Variants in ACADSB observed in about 807,000 individuals in gnomAD.
ACADSB encodes the protein acyl-CoA dehydrogenase short/branched chain.
In ACADSB, 40 loss-of-function variants were observed where a neutral mutation model predicts 54.1. The observed-to-expected ratio is 0.74, with a 90% CI of 0.57 to 0.96. The LOEUF (loss-of-function observed/expected upper bound fraction) is 0.96. Among genes scored for constraint, ACADSB ranks in the 40% least tolerant of loss-of-function variants. The pLI, the probability that ACADSB is intolerant of heterozygous loss-of-function variation, is 0.00. For synonymous variants in ACADSB, 182 were observed against 182.8 expected (o/e 1.00, Z 0.03); for missense variants, 530 against 510.4 (o/e 1.04, Z -0.37).
At chr10:123,025,338 C>T (rs1357797918) in intron 1 of ACADSB, among the ~76,000 whole-genome samples, 4 of 150,516 alleles carry the variant, frequency 2.7e-5, no homozygotes, top group East Asian at 4.0e-4. Flanking sequence ...ATGGTGTGCA[C>T]GTATAGTCCC....
rs1850683407 is a variant in ACADSB, at chr10:123,054,806, T to G, written c.*1041T>G. ...AATAATCAGAAAATATTCAATACAG[T>G]GTTGGATATTCTGTCATGCACTATT... is the stretch of plus-strand genomic sequence containing the variant. On this transcript the variant is annotated 3_prime_UTR_variant, in exon 11 of 11. Transcript: ENST00000358776. 6.6e-6 allele frequency: 1 copy of G among 152,160 alleles called. No homozygotes were observed. The highest frequency in any genetic ancestry group is 6.5e-5 in the Admixed American group (1 of 15,272). 9.4% of individuals were successfully genotyped at this position (152,160 alleles called of 1,614,324 possible).
At chr10:123,012,555 G>A (rs554127429) in intron 1 of ACADSB, among the ~76,000 whole-genome samples, 2 of 152,270 alleles carry the variant, frequency 1.3e-5, no homozygotes, top group Admixed American at 6.5e-5. Flanking sequence ...ATGTTCGGAT[G>A]TGTTCGGAGT....
chr10:123,013,591 C>G (rs1413137088), intron 1 of ACADSB, among the ~76,000 whole-genome samples: 1 of 152,238 alleles, frequency 6.6e-6, no homozygotes, highest in Non-Finnish European at 1.5e-5. Context: ...GTGCAGGAGC[C>G]CACTGGCGGT....
chr10:123,052,710 A>C lies in ACADSB; in HGVS notation c.1129-351A>C. ...TCAGGGGCTGGAAGTTGAAGAGCTC[A>C]TTCTCCCCTTGGAGGATTTCGACGT... On this transcript the variant is annotated intron_variant, in intron 9 of 10. Transcript: ENST00000358776. This position sits in a 1 kb window ranked among gnomAD's most constrained non-coding sequence, Gnocchi z 4.2. The C allele has an allele frequency of 3.3e-6, 1 of 301,102 alleles. No individual in the cohort carries two copies. The allele number at this position is 301,102 out of a possible 1,614,324, so 18.7% of individuals were successfully genotyped here. A position where few individuals can be genotyped will look rare whatever the true frequency, so the allele number is the denominator to read the frequency against.
intron 4 of ACADSB, 70 bp downstream of exon 4, chr10:123,040,742 A>G: frequency 4.1e-6 from 6 of 1,462,150 alleles, no homozygotes; most frequent in Non-Finnish European, 4.8e-6. Flanking sequence ...TCAGGAAAAA[A>G]GTAGCTGCAA....
chr10:123,046,225 A>G (rs763329299), intron 7 of ACADSB, among the ~76,000 whole-genome samples: 6 of 152,222 alleles, frequency 3.9e-5, no homozygotes, highest in Non-Finnish European at 8.8e-5. Context: ...TGTTCTCTAG[A>G]GAGTTCAGAA....
intron 1 of ACADSB, among the ~76,000 whole-genome samples, chr10:123,010,774 A>G (rs1850021725): frequency 6.6e-6 from 1 of 152,232 alleles, no homozygotes; most frequent in Admixed American, 6.5e-5. Context: ...GCTATGCCAG[A>G]TGTAATAATG....
At chr10:123,036,868 T>A (rs913618090) in intron 2 of ACADSB, among the ~76,000 whole-genome samples, 5 of 152,208 alleles carry the variant, frequency 3.3e-5, no homozygotes, top group Non-Finnish European at 7.3e-5. Context: ...GAGAGTCGCG[T>A]GTGCAGAAAC....
intron 6 of ACADSB, among the ~76,000 whole-genome samples, chr10:123,044,105 G>A (rs1472320621): frequency 6.6e-6 from 1 of 152,120 alleles, no homozygotes; most frequent in African/African-American, 2.4e-5. Flanking sequence ...GGGGGGAAAA[G>A]TATTAATTTA....
chr10:123,033,516 C>T (rs1589738139), intron 1 of ACADSB, among the ~76,000 whole-genome samples: 5 of 152,302 alleles, frequency 3.3e-5, no homozygotes, highest in Admixed American at 3.3e-4. Flanking sequence ...GGCAGTTTAA[C>T]TAGATCGTTA....
In ACADSB at chr10:123,051,076, G is replaced by C. The variant is rs1850625592; in HGVS notation, c.1018G>C (p.Ala340Pro). ...CCTCCAACACCAAGTGGCTCACGTG[G>C]CCACCCAGCTGGAAGCTGCAAGATT... is the stretch of plus-strand genomic sequence containing the variant. The part of the protein sequence containing the change: ...QGLQHQVAHV[A>P]TQLEAARLLT... The change falls in exon 9 of 11, where the codon GCC becomes CCC. Residue 340 changes from alanine to proline, a missense_variant. Ala to Pro is a conservative substitution (Grantham distance 27). Coordinates refer to ENST00000358776, the MANE Select transcript of ACADSB (RefSeq NM_001609.4). The C allele has an allele frequency of 5.6e-6, 9 of 1,612,216 alleles. No homozygotes were observed. The East Asian group carries it at 2.0e-4, about 36-fold the overall frequency.
chr10:123,053,865 A>G lies in ACADSB; in HGVS notation c.*100A>G. The G allele has an allele frequency of 2.8e-6, 3 of 1,077,910 alleles. No individual in the cohort carries two copies. Among genetic ancestry groups the G allele is most frequent in the African/African-American group, 1.5e-5 (1 of 64,580 alleles). The allele number at this position is 1,077,910 out of a possible 1,614,324, so 66.8% of individuals were successfully genotyped here. A position where few individuals can be genotyped will look rare whatever the true frequency, so the allele number is the denominator to read the frequency against. ...GTGCCTTGCGTGGGAATAAACTTCC[A>G]CAGCATTCGAATATTTTAATGAAGC... On this transcript the variant is annotated 3_prime_UTR_variant, in exon 11 of 11. Coordinates refer to ENST00000358776, the MANE Select transcript of ACADSB (RefSeq NM_001609.4).
chr10:123,037,456 T>G (rs763576980), intron 2 of ACADSB, among the ~76,000 whole-genome samples: 1 of 152,206 alleles, frequency 6.6e-6, no homozygotes, highest in African/African-American at 2.4e-5. Flanking sequence ...TTAGTCACCT[T>G]TGGGTAGAGT....
intron 7 of ACADSB, among the ~76,000 whole-genome samples, chr10:123,045,307 T>A (rs1192178520): frequency 2.1e-5 from 3 of 143,626 alleles, no homozygotes; most frequent in African/African-American, 7.7e-5. Flanking sequence ...GCCTCCCGAG[T>A]AGCTGGGACT....
chr10:123,014,565 A>G (rs1268369810), intron 1 of ACADSB, among the ~76,000 whole-genome samples: 4 of 152,258 alleles, frequency 2.6e-5, no homozygotes, highest in Non-Finnish European at 5.9e-5. Flanking sequence ...TTAGGGTATC[A>G]TTGCCTTACG....
Position 123,047,311 on chromosome 10 carries a change from T to A in ACADSB, c.990+13T>A. The A allele has an allele frequency of 6.5e-7, 1 of 1,531,478 alleles. No homozygotes were observed. The highest frequency in any genetic ancestry group is 9.1e-7 in the Non-Finnish European group (1 of 1,104,732). The allele number at this position is 1,531,478 out of a possible 1,614,324, so 94.9% of individuals were successfully genotyped here. A position where few individuals can be genotyped will look rare whatever the true frequency, so the allele number is the denominator to read the frequency against. On this transcript the variant is annotated intron_variant, in intron 8 of 10. Transcript: ENST00000358776. ...ATTTGATTTTCAGGTATGTAATTAT[T>A]AGGGTCTTTCTGCTGTGTTAGACTT...
rs779716323 is a variant in ACADSB, at chr10:123,040,453, G to T, written c.304-13G>T. Reference sequence around the variant, plus strand: ...TAGCTTTCTTAATCTATGTTGCCTTGTTTTTTCTTTAGTTGATGGGTATTG... The same window carrying T: ...TAGCTTTCTTAATCTATGTTGCCTTTTTTTTTCTTTAGTTGATGGGTATTG... On this transcript the variant is annotated splice_polypyrimidine_tract_variant and intron_variant, in intron 3 of 10. Transcript: ENST00000358776. The T allele has an allele frequency of 6.2e-7, 1 of 1,610,066 alleles. No homozygotes were observed. The highest frequency in any genetic ancestry group is 8.5e-7 in the Non-Finnish European group (1 of 1,176,400).
In ACADSB at chr10:123,041,339, C is replaced by T; in HGVS notation, c.641C>T (p.Ala214Val). 3 of 1,614,206 alleles carry T rather than the reference C, an allele frequency of 1.9e-6. No individual in the cohort carries two copies. Among genetic ancestry groups the T allele is most frequent in the Non-Finnish European group, 1.7e-6 (2 of 1,180,036 alleles). The change falls in exon 5 of 11, where the codon GCA (alanine) becomes GTA (valine). Residue 214 changes from alanine to valine, a missense_variant. Coordinates refer to ENST00000358776, the MANE Select transcript of ACADSB (RefSeq NM_001609.4). ...ATGTGGATCAGCAGTGCTGAGCACG[C>T]AGGGCTCTTTCTGGTGATGGCAAAT... Reference protein sequence around the residue: ...SKMWISSAEHAGLFLVMANVD... With the variant: ...SKMWISSAEHVGLFLVMANVD...
rs1246148242 is a variant in ACADSB, at chr10:123,052,796, T to C, written c.1129-265T>C. 4.4e-6 allele frequency: 2 copies of C among 459,344 alleles called. No homozygotes were observed. Among genetic ancestry groups the C allele is most frequent in the Admixed American group, 6.6e-5 (2 of 30,254 alleles). 28.5% of individuals were successfully genotyped at this position (459,344 alleles called of 1,614,324 possible). On this transcript the variant is annotated intron_variant, in intron 9 of 10. Coordinates refer to ENST00000358776, the MANE Select transcript of ACADSB (RefSeq NM_001609.4). The surrounding 1 kb of genome is among the most constrained non-coding windows in gnomAD (Gnocchi z 4.2). Reference sequence around the variant, plus strand: ...CGTTAGGCCCCCAGTAAACATTTCCTGAATAAATGATATCTCTCAGCATGC... The same window carrying C: ...CGTTAGGCCCCCAGTAAACATTTCCCGAATAAATGATATCTCTCAGCATGC...
Sources: allele counts gnomAD v4.1 joint callset (sites outside exome capture counted in the v4.1 genomes callset), GRCh38; gene constraint gnomAD v4.1.1; non-coding constraint Gnocchi (gnomAD v3.1); transcripts MANE v1.5; gene names NCBI Gene and HGNC (gene_info 2026-07-23, HGNC 2026-07-21).